ATF3: variants seen among roughly 807,000 people sequenced by gnomAD.
ATF3 encodes cyclic AMP-dependent transcription factor ATF-3.
Under a neutral mutation model 18.4 loss-of-function variants are expected in ATF3, and 10 were observed. The ratio of observed to expected loss-of-function variants is 0.54; its 90% CI spans 0.34 to 0.92. The LOEUF is 0.92. Among genes scored for constraint, ATF3 ranks in the 40% least tolerant of loss-of-function variants. The probability of loss-of-function intolerance (pLI) is 0.02; values close to 1 mark genes in which losing one functional copy is unlikely to be tolerated. For synonymous variants in ATF3, 78 were observed against 87.9 expected (o/e 0.89, Z 0.63); for missense variants, 183 against 222.3 (o/e 0.82, Z 1.12).
chr1:212,601,486 G>T (rs964052916), intron 1 of ATF3, among the ~76,000 whole-genome samples: 1 of 152,194 alleles, frequency 6.6e-6, no homozygotes, highest in African/African-American at 2.4e-5. Context: ...AGATTTTGAG[G>T]ACAGTATCGC....
chr1:212,600,865 T>C (rs901800210), intron 1 of ATF3, among the ~76,000 whole-genome samples: 4 of 152,180 alleles, frequency 2.6e-5, no homozygotes, highest in Non-Finnish European at 5.9e-5. Flanking sequence ...GTTGGAGGAC[T>C]AAACATACAT....
upstream of ATF3, among the ~76,000 whole-genome samples, chr1:212,605,545 A>G (rs1245568526): frequency 6.6e-6 from 1 of 152,246 alleles, no homozygotes; most frequent in African/African-American, 2.4e-5. Flanking sequence ...GGTTTAGAGA[A>G]CAGAGTAATG....
chr1:212,598,757 T>G (rs757361916), intron 1 of ATF3, among the ~76,000 whole-genome samples: 3 of 152,246 alleles, frequency 2.0e-5, no homozygotes, highest in Non-Finnish European at 4.4e-5. Context: ...ATAAAGACCT[T>G]CAGTTTCATC....
chr1:212,576,716 CTTTTCTTTTTTT>C (rs907240420), intron 1 of ATF3, among the ~76,000 whole-genome samples: 6 of 78,246 alleles, frequency 7.7e-5, no homozygotes, highest in Admixed American at 1.7e-4. Flanking sequence ...CTTTTCTTTT[CTTTTCTTTTTTT>C]TTTTTTTTTT....
chr1:212,567,642 ATTAT>A (rs1489390787), intron 1 of ATF3, among the ~76,000 whole-genome samples: 10 of 152,140 alleles, frequency 6.6e-5, no homozygotes, highest in African/African-American at 1.9e-4. Context: ...AGCTTAGCAA[ATTAT>A]TTATTTTTTA....
chr1:212,578,786 C>T (rs1274074394), intron 1 of ATF3, among the ~76,000 whole-genome samples: 1 of 152,044 alleles, frequency 6.6e-6, no homozygotes, highest in Non-Finnish European at 1.5e-5. Context: ...CTCATCCCTC[C>T]TTCTTCTCCA....
At chr1:212,582,832 C>T (rs1331002155) in intron 1 of ATF3, among the ~76,000 whole-genome samples, 3 of 152,160 alleles carry the variant, frequency 2.0e-5, no homozygotes, top group African/African-American at 7.2e-5. Flanking sequence ...CATTTGCTTA[C>T]TTAATCTTCA....
chr1:212,612,082 A>G (rs564535904), intron 1 of ATF3, among the ~76,000 whole-genome samples: 27 of 152,374 alleles, frequency 1.8e-4, no homozygotes, highest in Middle Eastern at 3.4e-3. Flanking sequence ...GAATAACTAG[A>G]AAGTATCCCG....
At chr1:212,571,363 T>C (rs1440452761) in intron 1 of ATF3, among the ~76,000 whole-genome samples, 6 of 152,160 alleles carry the variant, frequency 3.9e-5, no homozygotes, top group Non-Finnish European at 1.5e-5. Flanking sequence ...TTCTAAATAA[T>C]CAGTTAACCC....
intron 1 of ATF3, among the ~76,000 whole-genome samples, chr1:212,610,004 A>T (rs1654829551): frequency 6.6e-6 from 1 of 152,130 alleles, no homozygotes; most frequent in South Asian, 2.1e-4. Flanking sequence ...GGAGCCAGTG[A>T]GGGGACTTGA....
rs1370224025 is a variant in ATF3 at position 212,618,984 on chromosome 1, T to C, written c.349-374T>C. ...ATACATTTTTTCTGGGGAGATGAGC[T>C]TCTCATTGAGATCTGTGACTCAGAA... On this transcript the variant is annotated intron_variant, in intron 3 of 3. Coordinates refer to ENST00000341491, the MANE Select transcript of ATF3 (RefSeq NM_001674.4). The surrounding 1 kb of genome is among the most constrained non-coding windows in gnomAD (Gnocchi z 4.4). 1 of 1,603,126 alleles carries C rather than the reference T, an allele frequency of 6.2e-7. No homozygotes were observed. The highest frequency in any genetic ancestry group is 2.2e-5 in the East Asian group (1 of 44,820).
chr1:212,595,581 C>G (rs1664976191), intron 1 of ATF3, among the ~76,000 whole-genome samples: 1 of 152,174 alleles, frequency 6.6e-6, no homozygotes. Flanking sequence ...CGGACGAAAA[C>G]TGGGAAACCA....
At chr1:212,607,428 T>C (rs1410100303), upstream of ATF3, among the ~76,000 whole-genome samples, 1 of 152,204 alleles carries the variant, frequency 6.6e-6, no homozygotes, top group African/African-American at 2.4e-5. Flanking sequence ...GGTTCCTTGG[T>C]TCTGCCGCTC....
intron 1 of ATF3, among the ~76,000 whole-genome samples, chr1:212,601,613 C>A (rs1410146070): frequency 1.3e-5 from 2 of 152,188 alleles, no homozygotes; most frequent in Non-Finnish European, 2.9e-5. Context: ...AAAAAACCTA[C>A]CTCACAGGTT....
At chr1:212,607,876 T>C (rs548684401), upstream of ATF3, among the ~76,000 whole-genome samples, 8 of 151,990 alleles carry the variant, frequency 5.3e-5, no homozygotes, top group South Asian at 1.7e-3. Flanking sequence ...TTCACTGACA[T>C]GTTCTTGTCA....
rs554096066 is a variant in ATF3 at position 212,591,815 on chromosome 1, T to A, written c.-4-23203T>A. ...GTGGTAGGGTAGGATGGGCATTTTT[T>A]AAATTTTTATTTATTTATTTATTTT... On this transcript the variant is annotated intron_variant, in intron 1 of 3. Transcript: ENST00000366981. Among the ~76,000 whole-genome samples, 7 of 152,310 alleles carry A rather than the reference T, an allele frequency of 4.6e-5. No individual in the cohort carries two copies. In the East Asian group the frequency reaches 7.7e-4, roughly 17 times the overall value.
chr1:212,598,644 C>T (rs1654390218), intron 1 of ATF3, among the ~76,000 whole-genome samples: 1 of 152,222 alleles, frequency 6.6e-6, no homozygotes, highest in African/African-American at 2.4e-5. Context: ...AACCATCCTT[C>T]TACTCTTTGT....
intron 1 of ATF3, among the ~76,000 whole-genome samples, chr1:212,591,547 C>A (rs1664885428): frequency 6.6e-6 from 1 of 152,172 alleles, no homozygotes; most frequent in African/African-American, 2.4e-5. Context: ...ATCCCCCCCG[C>A]CCCAGTCCAT....
intron 1 of ATF3, among the ~76,000 whole-genome samples, chr1:212,569,460 A>C (rs1392737314): frequency 6.6e-6 from 1 of 152,128 alleles, no homozygotes; most frequent in African/African-American, 2.4e-5. Context: ...TTTCCTCCTT[A>C]CTAGGATGAA....
Sources: gnomAD v4.1 joint callset for allele counts (sites outside exome capture counted in the v4.1 genomes callset) on GRCh38, gnomAD v4.1.1 for gene constraint, Gnocchi (gnomAD v3.1) non-coding constraint, MANE v1.5 for transcripts, NCBI Gene and HGNC (gene_info 2026-07-23, HGNC 2026-07-21) for gene names.